Variants in TAFA1 observed in about 807,000 individuals in gnomAD.
TAFA1 encodes TAFA chemokine like family member 1.
A neutral mutation model predicts 18.5 loss-of-function variants in TAFA1; 4 were observed. The observed-to-expected ratio is 0.22, with a 90% confidence interval of 0.11 to 0.49. The LOEUF (loss-of-function observed/expected upper bound fraction) is 0.49. Ranked by LOEUF, TAFA1 falls within the 20% of genes least tolerant of loss-of-function variation. TAFA1 has a pLI of 0.98. For synonymous variants in TAFA1, 56 were observed against 55.2 expected (o/e 1.01, Z -0.06); for missense variants, 147 against 169.0 (o/e 0.87, Z 0.72).
chr3:68,149,453 C>T (rs1196001608), intron 2 of TAFA1, among the ~76,000 whole-genome samples: 2 of 152,174 alleles, frequency 1.3e-5, no homozygotes, highest in Non-Finnish European at 2.9e-5. Context: ...AGAAGCATGG[C>T]ACCAACATCT....
intron 2 of TAFA1, among the ~76,000 whole-genome samples, chr3:68,391,351 A>G (rs149821320): frequency 0.016 from 2,469 of 152,290 alleles, 76 homozygotes; most frequent in African/African-American, 0.057. Context: ...CCTCCAAGAA[A>G]CATGGGACTA....
At chr3:68,270,256 G>A (rs149961994) in intron 2 of TAFA1, among the ~76,000 whole-genome samples, 1 of 152,126 alleles carries the variant, frequency 6.6e-6, no homozygotes, top group Non-Finnish European at 1.5e-5. Context: ...GGTTGAAATG[G>A]TGGGTACTCA....
chr3:68,476,590 A>G (rs1386668343), intron 3 of TAFA1, among the ~76,000 whole-genome samples: 2 of 152,192 alleles, frequency 1.3e-5, no homozygotes, highest in African/African-American at 4.8e-5. Flanking sequence ...TCATTTTTCA[A>G]GTTGACTTAA....
intron 2 of TAFA1, among the ~76,000 whole-genome samples, chr3:68,282,711 G>A (rs2107259887): frequency 6.6e-6 from 1 of 152,152 alleles, no homozygotes; most frequent in East Asian, 1.9e-4. Context: ...TCTGTGAAGA[G>A]GGAAATTGCT....
chr3:68,483,368 C>T (rs540079312), intron 3 of TAFA1, among the ~76,000 whole-genome samples: 5 of 152,242 alleles, frequency 3.3e-5, no homozygotes, highest in East Asian at 1.9e-4. Flanking sequence ...AATATGTACC[C>T]GGATCTATAT....
intron 2 of TAFA1, among the ~76,000 whole-genome samples, chr3:68,018,947 A>C (rs1288136153): frequency 6.6e-6 from 1 of 152,200 alleles, no homozygotes; most frequent in Non-Finnish European, 1.5e-5. Flanking sequence ...CCAAAACCCT[A>C]CGTAGATGGT....
rs556961837 is a variant in TAFA1 at position 68,382,043 on chromosome 3, G to A, written c.119-35237G>A. ...CTATCTCTATTGAGATAATCATGTG[G>A]TTTTTGTCTTTGGTTCTGTTTATAT... is the stretch of plus-strand genomic sequence containing the variant. On this transcript the variant is annotated intron_variant, in intron 2 of 4. Transcript: ENST00000478136. Among the ~76,000 whole-genome samples, 684 of 152,200 alleles carry A rather than the reference G, an allele frequency of 4.5e-3. 3 individuals carry two copies. Among genetic ancestry groups the A allele is most frequent in the African/African-American group, 0.016 (646 of 41,538 alleles).
chr3:68,362,021 G>T (rs1413435928), intron 2 of TAFA1, among the ~76,000 whole-genome samples: 1 of 152,160 alleles, frequency 6.6e-6, no homozygotes, highest in African/African-American at 2.4e-5. Flanking sequence ...TAAAATGGCT[G>T]TCTAGTAGAG....
At chr3:68,229,565 G>C (rs1450448166) in intron 2 of TAFA1, among the ~76,000 whole-genome samples, 1 of 152,182 alleles carries the variant, frequency 6.6e-6, no homozygotes, top group Non-Finnish European at 1.5e-5. Flanking sequence ...GTAGAAATGA[G>C]AAATGTGGAA....
chr3:68,312,129 G>A (rs1017316196), intron 2 of TAFA1, among the ~76,000 whole-genome samples: 7 of 152,286 alleles, frequency 4.6e-5, no homozygotes, highest in Middle Eastern at 3.4e-3. Flanking sequence ...TGTGATGCAC[G>A]GCATCAAGTC....
intron 2 of TAFA1, among the ~76,000 whole-genome samples, chr3:68,179,395 A>G (rs2066167619): frequency 6.6e-6 from 1 of 152,158 alleles, no homozygotes; most frequent in Non-Finnish European, 1.5e-5. Flanking sequence ...TGGAATTCTG[A>G]TCTTCATTAG....
At chr3:68,105,788 C>T (rs1415564226) in intron 2 of TAFA1, among the ~76,000 whole-genome samples, 1 of 152,120 alleles carries the variant, frequency 6.6e-6, no homozygotes, top group Non-Finnish European at 1.5e-5. Context: ...TGTTTTCCTA[C>T]CTTGATTAGA....
At chr3:68,132,367 T>C (rs556136851) in intron 2 of TAFA1, among the ~76,000 whole-genome samples, 1 of 152,348 alleles carries the variant, frequency 6.6e-6, no homozygotes, top group African/African-American at 2.4e-5. Flanking sequence ...TATAGTAGAA[T>C]GATTTCTAAT....
chr3:68,304,584 A>G (rs543413042), intron 2 of TAFA1, among the ~76,000 whole-genome samples: 1 of 152,290 alleles, frequency 6.6e-6, no homozygotes, highest in South Asian at 2.1e-4. Context: ...AGCCATTCCT[A>G]TGGTACCTAG....
intron 2 of TAFA1, among the ~76,000 whole-genome samples, chr3:68,140,691 T>C (rs1405329396): frequency 6.6e-6 from 1 of 152,180 alleles, no homozygotes; most frequent in African/African-American, 2.4e-5. Flanking sequence ...ATTCAGTGCA[T>C]TAAAGCACAT....
chr3:68,230,425 T>C (rs999197891), intron 2 of TAFA1, among the ~76,000 whole-genome samples: 1 of 152,178 alleles, frequency 6.6e-6, no homozygotes, highest in African/African-American at 2.4e-5. Flanking sequence ...TCCAGTTCCA[T>C]CCATGTTGTT....
intron 2 of TAFA1, among the ~76,000 whole-genome samples, chr3:68,081,223 T>C (rs1336335627): frequency 6.6e-6 from 1 of 152,172 alleles, no homozygotes; most frequent in African/African-American, 2.4e-5. Flanking sequence ...TCTAAATTTT[T>C]TTCGAAGTTT....
At chr3:68,445,023 A>C (rs1039684146) in intron 3 of TAFA1, among the ~76,000 whole-genome samples, 2 of 151,994 alleles carry the variant, frequency 1.3e-5, no homozygotes, top group Non-Finnish European at 2.9e-5. Flanking sequence ...ATTCAAAAAG[A>C]ATATGGACAG....
intron 2 of TAFA1, among the ~76,000 whole-genome samples, chr3:68,297,162 TAGGGTATCAGACCTTGCA>T (rs1048038097): frequency 2.0e-5 from 3 of 152,310 alleles, no homozygotes; most frequent in African/African-American, 7.2e-5. Context: ...GAAGGGGTAG[TAGGGTATCAGACCTTGCA>T]AAACACAGTA....
Sources: allele counts gnomAD v4.1 joint callset (sites outside exome capture counted in the v4.1 genomes callset), GRCh38; gene constraint gnomAD v4.1.1; transcripts MANE v1.5; gene names NCBI Gene and HGNC (gene_info 2026-07-23, HGNC 2026-07-21).